Variants in RFX7 observed in about 807,000 individuals in gnomAD.
RFX7 encodes DNA-binding protein RFX7.
Under a neutral mutation model 111.8 loss-of-function variants are expected in RFX7, and 26 were observed. That is an observed-to-expected ratio of 0.23 (90% CI 0.17 to 0.32). The LOEUF is 0.32. RFX7 is among the 10% of genes least tolerant of loss of function. RFX7 has a pLI of 1.00. For missense variants in RFX7, 1,573 were observed against 1,772.9 expected (o/e 0.89, Z 2.02); for synonymous variants, 624 against 624.4 (o/e 1.00, Z 0.01).
rs2140503092 is a variant in RFX7 at position 56,089,644 on chromosome 15, CTAATTT to C, written c.*3695_*3700del. On this transcript the variant is annotated 3_prime_UTR_variant, in exon 10 of 10. Coordinates refer to ENST00000559447, the MANE Select transcript of RFX7 (RefSeq NM_022841.7). ...ATTGAGCACTGAGGATCCTAACATA[CTAATTT>C]TATAGTATTATCTAGGTAGTTCATT... is the stretch of plus-strand genomic sequence containing the variant. The C allele has an allele frequency of 6.6e-6, 1 of 152,178 alleles. No homozygotes were observed. Among genetic ancestry groups the C allele is most frequent in the South Asian group, 2.1e-4 (1 of 4,818 alleles). The allele number at this position is 152,178 out of a possible 1,614,324, so 9.4% of individuals were successfully genotyped here.
At chr15:56,199,067 A>G (rs1218699363) in intron 2 of RFX7, among the ~76,000 whole-genome samples, 1 of 152,100 alleles carries the variant, frequency 6.6e-6, no homozygotes, top group Non-Finnish European at 1.5e-5. Context: ...AAGCAAATAA[A>G]CCATGTAGGA....
intron 3 of RFX7, among the ~76,000 whole-genome samples, chr15:56,158,668 C>A (rs571566946): frequency 6.6e-6 from 1 of 151,958 alleles, no homozygotes; most frequent in South Asian, 2.1e-4. Context: ...ACAAAAAATA[C>A]AAAAATTAGC....
chr15:56,229,250 C>T (rs1307473587), intron 2 of RFX7, among the ~76,000 whole-genome samples: 1 of 152,078 alleles, frequency 6.6e-6, no homozygotes, highest in African/African-American at 2.4e-5. Context: ...AGACTTTGGC[C>T]TAATTGTTGT....
Position 56,090,136 on chromosome 15 carries a change from GA to G in RFX7, c.*3208del, listed in dbSNP as rs1462807179. Reference sequence around the variant, plus strand: ...ATCAGTTTGTTATTTCTGGTACCTGGAAATGTCTATACTGCTTTTGAACACA... The same window carrying G: ...ATCAGTTTGTTATTTCTGGTACCTGGAATGTCTATACTGCTTTTGAACACA... On this transcript the variant is annotated 3_prime_UTR_variant, in exon 10 of 10. Transcript: ENST00000559447. 1 of 152,106 alleles carries G rather than the reference GA, an allele frequency of 6.6e-6. No individual in the cohort carries two copies. The highest frequency in any genetic ancestry group is 1.5e-5 in the Non-Finnish European group (1 of 68,014). The allele number at this position is 152,106 out of a possible 1,614,324, so 9.4% of individuals were successfully genotyped here.
chr15:56,210,669 A>T (rs561453675), intron 2 of RFX7, among the ~76,000 whole-genome samples: 8 of 152,256 alleles, frequency 5.3e-5, no homozygotes, highest in African/African-American at 1.9e-4. Context: ...ATTCCAAAAT[A>T]CGTGGAAATT....
chr15:56,156,907 A>C (rs2042659860), intron 3 of RFX7, among the ~76,000 whole-genome samples: 1 of 152,232 alleles, frequency 6.6e-6, no homozygotes, highest in Non-Finnish European at 1.5e-5. Context: ...TAAAACAAAG[A>C]GTGCATGACC....
At chr15:56,119,630 A>C (rs2042049825) in intron 5 of RFX7, among the ~76,000 whole-genome samples, 1 of 151,986 alleles carries the variant, frequency 6.6e-6, no homozygotes, top group Non-Finnish European at 1.5e-5. Flanking sequence ...TACAAAAAAA[A>C]ATTAGGCATG....
At chr15:56,150,662 C>T (rs1021341031) in intron 3 of RFX7, among the ~76,000 whole-genome samples, 5 of 152,192 alleles carry the variant, frequency 3.3e-5, no homozygotes, top group African/African-American at 1.2e-4. Flanking sequence ...CTTTCCTCCT[C>T]CAAAGGATCA....
chr15:56,222,139 A>G (rs543139526), intron 2 of RFX7, among the ~76,000 whole-genome samples: 2 of 152,304 alleles, frequency 1.3e-5, no homozygotes, highest in South Asian at 4.1e-4. Flanking sequence ...TGTTTGATTT[A>G]AATTTCCAGA....
intron 2 of RFX7, among the ~76,000 whole-genome samples, chr15:56,213,808 T>C (rs2043335861): frequency 6.6e-6 from 1 of 152,242 alleles, no homozygotes; most frequent in Admixed American, 6.5e-5. Context: ...TCCTTCCTGA[T>C]ATGTGCATTT....
At chr15:56,179,194 A>T in intron 3 of RFX7, 76 bp downstream of exon 3, 1 of 655,048 alleles carries the variant, frequency 1.5e-6, no homozygotes, top group Non-Finnish European at 2.3e-6. Context: ...ATCAATATTT[A>T]CTTGAAAACT....
Position 56,096,169 on chromosome 15 carries a change from T to C in RFX7, c.1559A>G (p.Gln520Arg), listed in dbSNP as rs747155625. 1.9e-6 allele frequency: 3 copies of C among 1,613,930 alleles called. No individual in the cohort carries two copies. Among genetic ancestry groups the C allele is most frequent in the South Asian group, 2.2e-5 (2 of 91,076 alleles). Residue 520 changes from glutamine (Q) to arginine (R), a missense_variant, in exon 10 of 10, where the codon CAG (glutamine) becomes CGG (arginine). By Grantham distance (43) the Gln-to-Arg change is conservative. Around this residue, in one of 7 missense-constraint regions of RFX7, gnomAD observed 625 missense variants for 632.2 expected, o/e 0.99. Coordinates refer to ENST00000559447, the MANE Select transcript of RFX7 (RefSeq NM_022841.7). ...QIKNGSVVSL[Q>R]SPGSRSSSAG... is the part of the protein sequence containing the mutation. ...ACTGCTGCTCCTGGACCCAGGAGAC[T>C]GAAGCGACACGACAGAACCATTCTT...
intron 6 of RFX7, among the ~76,000 whole-genome samples, chr15:56,102,520 C>T (rs1040036120): frequency 2.0e-5 from 3 of 152,050 alleles, no homozygotes; most frequent in Non-Finnish European, 4.4e-5. Context: ...AATAAATGTT[C>T]CTAATATGCT....
At chr15:56,218,919 A>C (rs1473986236) in intron 2 of RFX7, among the ~76,000 whole-genome samples, 4 of 152,238 alleles carry the variant, frequency 2.6e-5, no homozygotes, top group Non-Finnish European at 5.9e-5. Flanking sequence ...TTAGAGAATA[A>C]ATGTATATTA....
At chr15:56,154,605 C>T (rs1383546779) in intron 3 of RFX7, among the ~76,000 whole-genome samples, 3 of 152,180 alleles carry the variant, frequency 2.0e-5, no homozygotes, top group African/African-American at 7.2e-5. Flanking sequence ...TGGATCCCTT[C>T]CTTACACCTT....
intron 2 of RFX7, among the ~76,000 whole-genome samples, chr15:56,190,348 A>G (rs1281186119): frequency 6.6e-6 from 1 of 152,126 alleles, no homozygotes; most frequent in African/African-American, 2.4e-5. Context: ...CTTGGGTATG[A>G]TTGCTTAGGC....
At chr15:56,107,876 T>G (rs1352368978) in intron 5 of RFX7, among the ~76,000 whole-genome samples, 1 of 152,138 alleles carries the variant, frequency 6.6e-6, no homozygotes, top group Admixed American at 6.5e-5. Context: ...ACAGGGGATA[T>G]CGCCACTGAT....
At position 56,094,486 on chromosome 15, in the gene RFX7, C is replaced by T. The variant is rs1298866685; in HGVS notation, c.3242G>A (p.Gly1081Asp). Residue 1081 changes from glycine to aspartate, a missense_variant, in exon 10 of 10, where the codon GGT (glycine) becomes GAT (aspartate). By Grantham distance (94) the Gly-to-Asp change is moderately conservative. Coordinates refer to ENST00000559447, the MANE Select transcript of RFX7 (RefSeq NM_022841.7). ...TAGTTCCTGATAGCTTGGGAGAATA[C>T]CATGGCCAGAAACTGATGAATTACC... ...GVGNSSVSGH[G>D]ILPSYQELVE... is the part of the protein sequence containing the mutation. 1.2e-6 allele frequency: 2 copies of T among 1,613,778 alleles called. No individual in the cohort carries two copies. Among genetic ancestry groups the T allele is most frequent in the East Asian group, 2.2e-5 (1 of 44,892 alleles).
chr15:56,104,536 G>A (rs1420146455), intron 5 of RFX7, among the ~76,000 whole-genome samples: 4 of 152,222 alleles, frequency 2.6e-5, no homozygotes, highest in Non-Finnish European at 5.9e-5. Context: ...ATGAAGTCAT[G>A]CAGAAAAGAA....
Sources: allele counts gnomAD v4.1 joint callset (sites outside exome capture counted in the v4.1 genomes callset), GRCh38; gene constraint gnomAD v4.1.1; regional missense constraint gnomAD v4.1.1; transcripts MANE v1.5; gene names NCBI Gene and HGNC (gene_info 2026-07-23, HGNC 2026-07-21).